AKAP9: variants seen among roughly 807,000 people sequenced by gnomAD.
AKAP9 encodes A-kinase anchor protein 9.
A neutral mutation model predicts 488.5 loss-of-function variants in AKAP9; 311 were observed. The ratio of observed to expected loss-of-function variants is 0.64; its 90% CI spans 0.58 to 0.70. The LOEUF is 0.70. Ranked by LOEUF, AKAP9 falls within the 30% of genes least tolerant of loss-of-function variation. The pLI is 0.00. For synonymous variants in AKAP9, 1,462 were observed against 1,483.5 expected (o/e 0.99, Z 0.33); for missense variants, 4,215 against 4,374.5 (o/e 0.96, Z 1.03).
intron 8 of AKAP9, among the ~76,000 whole-genome samples, chr7:92,011,233 T>C (rs1800705584): frequency 6.6e-6 from 1 of 152,230 alleles, no homozygotes; most frequent in Admixed American, 6.5e-5. Context: ...TCAACATTGC[T>C]TTGTAGTTCC....
Position 92,002,683 on chromosome 7 carries a change from T to G in AKAP9, c.2766T>G (p.Thr922=). 6.2e-7 allele frequency: 1 copy of G among 1,613,524 alleles called. No individual in the cohort carries two copies. The highest frequency in any genetic ancestry group is 8.5e-7 in the Non-Finnish European group (1 of 1,179,678). Reference sequence around the variant, plus strand: ...GTTCTGTCTTTGATGAAGACAAAACTTTTGTAGCAGAAACATTGGAAATGG... The same window carrying G: ...GTTCTGTCTTTGATGAAGACAAAACGTTTGTAGCAGAAACATTGGAAATGG... ...MKSSVFDEDK[T]FVAETLEMGE... is the part of the protein sequence containing the mutation. The change falls in exon 8 of 50, where the codon ACT becomes ACG. Residue 922 remains threonine (T), a synonymous_variant. Transcript: ENST00000356239.
intron 2 of AKAP9, among the ~76,000 whole-genome samples, chr7:91,975,251 G>A (rs750314121): frequency 4.6e-5 from 7 of 152,014 alleles, no homozygotes; most frequent in Admixed American, 6.6e-5. Flanking sequence ...TGATCCTCCC[G>A]CTCTGGCTCC....
chr7:92,100,852 G>T lies in AKAP9; in HGVS notation c.10897-4G>T. On this transcript the variant is annotated splice_region_variant and splice_polypyrimidine_tract_variant and intron_variant, in intron 44 of 49. Transcript: ENST00000356239. ...CTTGTGTAAGTAGGCTGTGGTCTTT[G>T]CAGTCTTCCAGGTTTTCATTGAATG... is the stretch of plus-strand genomic sequence containing the variant. 6.2e-7 allele frequency: 1 copy of T among 1,614,100 alleles called. No homozygotes were observed. The highest frequency in any genetic ancestry group is 8.5e-7 in the Non-Finnish European group (1 of 1,179,994).
At chr7:92,072,301 T>G (rs1811847150) in intron 28 of AKAP9, among the ~76,000 whole-genome samples, 2 of 152,174 alleles carry the variant, frequency 1.3e-5, no homozygotes, top group Non-Finnish European at 2.9e-5. Flanking sequence ...CTGACTGATG[T>G]TTTTTATAGA....
chr7:92,026,794 T>G (rs1803237515), intron 14 of AKAP9, among the ~76,000 whole-genome samples: 1 of 139,870 alleles, frequency 7.1e-6, no homozygotes, highest in African/African-American at 2.7e-5. Flanking sequence ...TGGCCGCCCA[T>G]CATCTGGGAT....
At chr7:92,040,415 A>C (rs940354143) in intron 17 of AKAP9, among the ~76,000 whole-genome samples, 31 of 152,156 alleles carry the variant, frequency 2.0e-4, no homozygotes, top group African/African-American at 7.0e-4. Flanking sequence ...TATTAGAATT[A>C]GATTAAGTCT....
chr7:91,987,417 C>A (rs1426237723), intron 3 of AKAP9, among the ~76,000 whole-genome samples: 1 of 149,668 alleles, frequency 6.7e-6, no homozygotes, highest in East Asian at 1.9e-4. Flanking sequence ...GAAATTCTAT[C>A]TCGAAAAAAA....
chr7:91,943,437 T>C (rs114423052), intron 1 of AKAP9, among the ~76,000 whole-genome samples: 2,188 of 152,306 alleles, frequency 0.014, 45 homozygotes, highest in African/African-American at 0.05. Flanking sequence ...ATTATAATTT[T>C]ATTCAGCAAA....
At position 92,040,887 on chromosome 7, in the gene AKAP9, CAATT is replaced by C; in HGVS notation, c.4908_4911del (p.Leu1637ProfsTer6). On this transcript the variant is annotated frameshift_variant, in exon 18 of 50. Transcript: ENST00000356239. LOFTEE classifies it high-confidence loss of function. ...AGAAGAGATTAAGAGACTTAATAGA[CAATT>C]AGCCCAGGTAAGGGTCTTGTAGTCC... The C allele has an allele frequency of 6.2e-7, 1 of 1,611,468 alleles. No homozygotes were observed. Among genetic ancestry groups the C allele is most frequent in the Non-Finnish European group, 8.5e-7 (1 of 1,178,584 alleles).
chr7:91,963,847 G>A (rs1366117863), intron 1 of AKAP9, among the ~76,000 whole-genome samples: 5 of 152,214 alleles, frequency 3.3e-5, no homozygotes, highest in South Asian at 4.2e-4. Flanking sequence ...AGTAATATGA[G>A]CATCATTAAA....
intron 3 of AKAP9, among the ~76,000 whole-genome samples, chr7:91,987,161 G>A (rs1182890682): frequency 1.3e-5 from 2 of 152,096 alleles, no homozygotes; most frequent in Non-Finnish European, 2.9e-5. Flanking sequence ...ATTCATGCCT[G>A]TAATCCCACA....
At chr7:92,090,147 A>G (rs1422163271) in intron 38 of AKAP9, 1 of 152,202 alleles carries the variant, frequency 6.6e-6, no homozygotes, top group Non-Finnish European at 1.5e-5. Flanking sequence ...CTGTTTTTGA[A>G]CTTTATCAAT....
chr7:92,059,573 T>C (rs1332771045), intron 22 of AKAP9, among the ~76,000 whole-genome samples: 1 of 151,866 alleles, frequency 6.6e-6, no homozygotes. Flanking sequence ...TTTACTTACC[T>C]AAAGCAAGCA....
At chr7:92,022,784 G>A in intron 13 of AKAP9, 30 bp from the exon 14 acceptor site, 1 of 1,387,218 alleles carries the variant, frequency 7.2e-7, no homozygotes, top group Non-Finnish European at 1.0e-6. Context: ...ATATTGAAAT[G>A]TGCATTTTTT....
Position 92,102,485 on chromosome 7 carries a change from TACTACC to T in AKAP9, c.11098-106_11098-101del, listed in dbSNP as rs1254655773. 1.8e-4 allele frequency: 102 copies of T among 558,392 alleles called. 1 individual carries two copies. The highest frequency in any genetic ancestry group is 1.5e-3 in the Middle Eastern group (3 of 1,962). 34.6% of individuals were successfully genotyped at this position (558,392 alleles called of 1,614,324 possible). A position where few individuals can be genotyped will look rare whatever the true frequency, so the allele number is the denominator to read the frequency against. ...CTACTACTACTACTACTACTACTAC[TACTACC>T]ACCACCACCACCACTACTTGTTAAA... is the stretch of plus-strand genomic sequence containing the variant. On this transcript the variant is annotated intron_variant, in intron 45 of 49. Coordinates refer to ENST00000356239, the MANE Select transcript of AKAP9 (RefSeq NM_005751.5).
chr7:92,063,834 G>C (rs1053052053), intron 24 of AKAP9, among the ~76,000 whole-genome samples: 1 of 152,112 alleles, frequency 6.6e-6, no homozygotes, highest in African/African-American at 2.4e-5. Flanking sequence ...AGGCTAGAGT[G>C]CAGTGGTCTG....
chr7:92,095,243 C>G, intron 40 of AKAP9, 70 bp downstream of exon 40: 7 of 1,565,194 alleles, frequency 4.5e-6, no homozygotes, highest in Non-Finnish European at 6.1e-6. Flanking sequence ...AGGCTTTCCT[C>G]CATCTAAAAT....
At chr7:92,030,874 A>G (rs1804125999) in intron 15 of AKAP9, among the ~76,000 whole-genome samples, 1 of 152,112 alleles carries the variant, frequency 6.6e-6, no homozygotes, top group South Asian at 2.1e-4. Flanking sequence ...CCTGGTCTTC[A>G]CTCAGTAGAT....
intron 31 of AKAP9, among the ~76,000 whole-genome samples, chr7:92,081,294 A>C (rs1205114429): frequency 6.6e-6 from 1 of 150,884 alleles, no homozygotes; most frequent in Non-Finnish European, 1.5e-5. Flanking sequence ...TGTGTGGGTG[A>C]CATATTTTAC....
Sources: gnomAD v4.1 joint callset for allele counts (sites outside exome capture counted in the v4.1 genomes callset) on GRCh38, gnomAD v4.1.1 for gene constraint, MANE v1.5 for transcripts, NCBI Gene and HGNC (gene_info 2026-07-23, HGNC 2026-07-21) for gene names.